Variants in EPHB1 observed in about 807,000 individuals in gnomAD.
The protein encoded by EPHB1 is EPH receptor B1.
EPHB1 carries 30 observed loss-of-function variants against 94.4 expected under a neutral mutation model. The ratio of observed to expected loss-of-function variants is 0.32; its 90% confidence interval spans 0.24 to 0.43. EPHB1 has a LOEUF of 0.43. EPHB1 is among the 20% of genes least tolerant of loss of function. The pLI, the probability that EPHB1 is intolerant of heterozygous loss-of-function variation, is 1.00. For missense variants in EPHB1, 1,055 were observed against 1,308.3 expected (o/e 0.81, Z 2.99); for synonymous variants, 522 against 489.1 (o/e 1.07, Z -0.89).
intron 12 of EPHB1, among the ~76,000 whole-genome samples, chr3:135,236,662 T>G (rs186033353): frequency 2.1e-4 from 32 of 152,304 alleles, no homozygotes; most frequent in African/African-American, 7.5e-4. Context: ...CATGAACCTA[T>G]CACTTCCAAA....
At chr3:135,069,685 G>A (rs1186445704) in intron 3 of EPHB1, among the ~76,000 whole-genome samples, 1 of 152,062 alleles carries the variant, frequency 6.6e-6, no homozygotes, top group Non-Finnish European at 1.5e-5. Flanking sequence ...GGATCCCCTT[G>A]CTAGTTTACT....
chr3:134,815,696 G>A (rs1012818446), intron 1 of EPHB1, among the ~76,000 whole-genome samples: 52 of 152,204 alleles, frequency 3.4e-4, no homozygotes, highest in Non-Finnish European at 1.5e-4. Context: ...ATGCTGTGGA[G>A]GGTTGGTGCA....
chr3:134,948,695 A>G (rs2039262811), intron 2 of EPHB1, among the ~76,000 whole-genome samples: 1 of 152,236 alleles, frequency 6.6e-6, no homozygotes, highest in South Asian at 2.1e-4. Flanking sequence ...AGGGATGTCC[A>G]TGTGCTGGGC....
At chr3:135,097,827 G>A (rs568343846) in intron 3 of EPHB1, among the ~76,000 whole-genome samples, 20 of 152,244 alleles carry the variant, frequency 1.3e-4, no homozygotes, top group South Asian at 2.1e-4. Context: ...AAGTAAATGC[G>A]CTCCAGCCCT....
At chr3:134,854,425 T>C (rs2037065441) in intron 1 of EPHB1, among the ~76,000 whole-genome samples, 1 of 152,110 alleles carries the variant, frequency 6.6e-6, no homozygotes, top group Admixed American at 6.5e-5. Flanking sequence ...AGGTTTCCAC[T>C]CTTCAAGGAT....
At chr3:135,062,010 G>A (rs888269460) in intron 3 of EPHB1, among the ~76,000 whole-genome samples, 9 of 152,106 alleles carry the variant, frequency 5.9e-5, no homozygotes, top group African/African-American at 2.2e-4. Flanking sequence ...TTGGACATTT[G>A]GGTTGGTTCC....
intron 5 of EPHB1, among the ~76,000 whole-genome samples, chr3:135,135,330 T>G (rs370661660): frequency 2.6e-4 from 40 of 152,218 alleles, no homozygotes; most frequent in African/African-American, 9.2e-4. Flanking sequence ...GCCATCGCAC[T>G]GATTTGATGA....
chr3:134,959,435 C>T (rs964182819), intron 3 of EPHB1, among the ~76,000 whole-genome samples: 41 of 152,322 alleles, frequency 2.7e-4, no homozygotes, highest in African/African-American at 9.1e-4. Flanking sequence ...TAAAAATAAC[C>T]ATCCTTTAAA....
intron 10 of EPHB1, among the ~76,000 whole-genome samples, chr3:135,188,006 C>T (rs1009700381): frequency 2.0e-5 from 3 of 151,984 alleles, no homozygotes; most frequent in Non-Finnish European, 2.9e-5. Flanking sequence ...CGAGACCAGC[C>T]TGGCCAACAT....
At chr3:135,050,912 T>TTGTGTGTGTGTGTGTG (rs61632320) in intron 3 of EPHB1, among the ~76,000 whole-genome samples, 5 of 148,052 alleles carry the variant, frequency 3.4e-5, no homozygotes, top group African/African-American at 9.9e-5. Flanking sequence ...TAAACACCCT[T>TTGTGTGTGTGTGTGTG]TGTGTGTGTG....
intron 1 of EPHB1, among the ~76,000 whole-genome samples, chr3:134,905,670 T>A (rs1401725468): frequency 2.0e-5 from 3 of 152,176 alleles, no homozygotes; most frequent in Non-Finnish European, 2.9e-5. Context: ...ACTTCTGGCC[T>A]CCTCTTTTCC....
intron 9 of EPHB1, among the ~76,000 whole-genome samples, chr3:135,172,099 C>T (rs978940193): frequency 2.0e-5 from 3 of 152,138 alleles, no homozygotes; most frequent in Non-Finnish European, 4.4e-5. Flanking sequence ...GATCCCATTT[C>T]GAGAAGGACA....
intron 3 of EPHB1, among the ~76,000 whole-genome samples, chr3:134,989,374 A>G (rs1470529123): frequency 1.3e-5 from 2 of 152,154 alleles, no homozygotes; most frequent in Non-Finnish European, 2.9e-5. Context: ...CTTATACAAA[A>G]CGCTGTTGAT....
intron 4 of EPHB1, among the ~76,000 whole-genome samples, chr3:135,126,928 C>T (rs1201125636): frequency 1.3e-5 from 2 of 152,130 alleles, no homozygotes; most frequent in Non-Finnish European, 2.9e-5. Context: ...TTAGGTCAGT[C>T]TTAATTACAT....
Position 135,088,119 on chromosome 3 carries a change from C to G in EPHB1, c.806-18329C>G, listed in dbSNP as rs188674056. ...GAGTAGAAAAGATATTCATCTTGTC[C>G]CTTTCCTAAGCCTCTCGTCTGAACT... On this transcript the variant is annotated intron_variant, in intron 3 of 15. Coordinates refer to ENST00000398015, the MANE Select transcript of EPHB1 (RefSeq NM_004441.5). Among the ~76,000 whole-genome samples the G allele has an allele frequency of 2.0e-3, 307 of 152,166 alleles. 2 individuals carry two copies. Among genetic ancestry groups the G allele is most frequent in the Non-Finnish European group, 2.2e-3 (151 of 68,014 alleles).
intron 11 of EPHB1, among the ~76,000 whole-genome samples, chr3:135,200,846 G>T (rs958911541): frequency 6.6e-6 from 1 of 152,196 alleles, no homozygotes; most frequent in Admixed American, 6.5e-5. Context: ...TTTAAGCGGA[G>T]AACTGAAGGG....
intron 3 of EPHB1, among the ~76,000 whole-genome samples, chr3:134,985,941 A>G (rs1934579604): frequency 6.6e-6 from 1 of 152,128 alleles, no homozygotes. Flanking sequence ...GCCTGCTGGG[A>G]AAACCCTGGT....
intron 12 of EPHB1, among the ~76,000 whole-genome samples, chr3:135,240,517 G>A (rs906807924): frequency 2.6e-5 from 4 of 152,124 alleles, no homozygotes; most frequent in East Asian, 1.9e-4. Context: ...TCCACTGAAG[G>A]GCTGGCAGGA....
At chr3:134,917,717 G>A (rs1175389083) in intron 1 of EPHB1, among the ~76,000 whole-genome samples, 1 of 152,206 alleles carries the variant, frequency 6.6e-6, no homozygotes, top group Non-Finnish European at 1.5e-5. Context: ...CAGCAGATGG[G>A]TTGGGTTGGC....
Sources: gnomAD v4.1 joint callset for allele counts (sites outside exome capture counted in the v4.1 genomes callset) on GRCh38, gnomAD v4.1.1 for gene constraint, MANE v1.5 for transcripts, NCBI Gene and HGNC (gene_info 2026-07-23, HGNC 2026-07-21) for gene names.